ELF5: variants seen among roughly 807,000 people sequenced by gnomAD.
ELF5 encodes the protein E74 like ETS transcription factor 5.
ELF5 carries 31 observed loss-of-function variants against 38.2 expected under a neutral mutation model. That is an observed-to-expected ratio of 0.81 (90% CI 0.61 to 1.10). The LOEUF (loss-of-function observed/expected upper bound fraction) is 1.10, where lower values mean the gene tolerates loss of function less well. Among genes scored for constraint, ELF5 ranks in the 50% least tolerant of loss-of-function variants. The pLI, the probability that ELF5 is intolerant of heterozygous loss-of-function variation, is 0.00. For synonymous variants in ELF5, 121 were observed against 112.5 expected (o/e 1.08, Z -0.48); for missense variants, 300 against 306.6 (o/e 0.98, Z 0.16).
At chr11:34,495,245 G>A (rs538727781) in intron 2 of ELF5, among the ~76,000 whole-genome samples, 7 of 152,362 alleles carry the variant, frequency 4.6e-5, no homozygotes, top group African/African-American at 1.4e-4. Flanking sequence ...AAGGCAGAGA[G>A]CAGAGAGTGG....
intron 3 of ELF5, chr11:34,492,563 A>G (rs1292781145): frequency 6.6e-6 from 1 of 152,186 alleles, no homozygotes; most frequent in African/African-American, 2.4e-5. Context: ...ATCCTATAAT[A>G]TGCCTCTTGA....
chr11:34,495,184 G>T (rs1048712817), intron 2 of ELF5, among the ~76,000 whole-genome samples: 3 of 152,202 alleles, frequency 2.0e-5, no homozygotes, highest in African/African-American at 7.2e-5. Context: ...GTGAAGAGTG[G>T]CTGAGGCACG....
At chr11:34,511,867 G>T in intron 1 of ELF5, 1 of 436,656 alleles carries the variant, frequency 2.3e-6, no homozygotes, top group Non-Finnish European at 4.2e-6. Flanking sequence ...TTCACTCTGG[G>T]CATGTGACCA....
rs778935208 is a variant in ELF5 at position 34,493,749 on chromosome 11, C to T, written c.122-37G>A. Reference sequence around the variant, plus strand: ...GAGAAAGAAGTGAGGGACAACAGTCCCAAGACAGCCTTCGAGAGGGCCCCT... The same window carrying T: ...GAGAAAGAAGTGAGGGACAACAGTCTCAAGACAGCCTTCGAGAGGGCCCCT... On this transcript the variant is annotated intron_variant, in intron 2 of 6. Coordinates refer to ENST00000257832, the MANE Select transcript of ELF5 (RefSeq NM_001422.4). The T allele has an allele frequency of 3.1e-6, 5 of 1,589,010 alleles. No individual in the cohort carries two copies. The South Asian group carries it at 5.5e-5, about 18-fold the overall frequency.
Position 34,509,400 on chromosome 11 carries a change from A to G in ELF5, c.-4-3647T>C, listed in dbSNP as rs1480555855. Among the ~76,000 whole-genome samples, 7 of 152,202 alleles carry G rather than the reference A, an allele frequency of 4.6e-5. No individual in the cohort carries two copies. In the East Asian group the frequency reaches 1.3e-3, roughly 29 times the overall value. Reference sequence around the variant, plus strand: ...AGATGTAAATATATAACCGAGTTTGAATTCTGACACTTAGGCACCTTTTCT... The same window carrying G: ...AGATGTAAATATATAACCGAGTTTGGATTCTGACACTTAGGCACCTTTTCT... On this transcript the variant is annotated intron_variant, in intron 1 of 6. Transcript: ENST00000257832.
At chr11:34,480,443 C>T (rs1856910252) in intron 6 of ELF5, 129 bp from the exon 7 acceptor site, 2 of 738,932 alleles carry the variant, frequency 2.7e-6, no homozygotes, top group Non-Finnish European at 4.6e-6. Flanking sequence ...TATTTTCATG[C>T]CCTGTTATCA....
intron 1 of ELF5, among the ~76,000 whole-genome samples, chr11:34,508,704 T>C (rs2133904268): frequency 6.6e-6 from 1 of 152,264 alleles, no homozygotes; most frequent in Middle Eastern, 3.4e-3. Context: ...TTGATGTGAG[T>C]ACCACGTGTT....
At chr11:34,504,331 A>G (rs1850550388) in intron 2 of ELF5, among the ~76,000 whole-genome samples, 1 of 152,244 alleles carries the variant, frequency 6.6e-6, no homozygotes, top group Admixed American at 6.5e-5. Flanking sequence ...TGTAAGATGT[A>G]TCTGTTTGAT....
intron 2 of ELF5, among the ~76,000 whole-genome samples, chr11:34,503,957 G>T (rs1266332531): frequency 6.6e-6 from 1 of 152,170 alleles, no homozygotes; most frequent in East Asian, 1.9e-4. Context: ...TCCCATTTGG[G>T]ACACACCAGG....
At chr11:34,491,391 G>A (rs1355397015) in intron 3 of ELF5, among the ~76,000 whole-genome samples, 1 of 152,048 alleles carries the variant, frequency 6.6e-6, no homozygotes, top group Non-Finnish European at 1.5e-5. Flanking sequence ...TAGTTTTACT[G>A]CTCAATATGG....
chr11:34,492,625 C>T (rs1850205744), intron 3 of ELF5: 1 of 152,202 alleles, frequency 6.6e-6, no homozygotes, highest in African/African-American at 2.4e-5. Flanking sequence ...TTTCCATCTT[C>T]ATATGCTGTT....
chr11:34,496,715 G>A (rs1850330683), intron 2 of ELF5, among the ~76,000 whole-genome samples: 1 of 152,178 alleles, frequency 6.6e-6, no homozygotes, highest in South Asian at 2.1e-4. Context: ...CTTGGAGCCT[G>A]GCCTAGCCCA....
chr11:34,504,948 C>T (rs912125684), intron 2 of ELF5, among the ~76,000 whole-genome samples: 1 of 152,142 alleles, frequency 6.6e-6, no homozygotes, highest in Non-Finnish European at 1.5e-5. Flanking sequence ...CATATTTACA[C>T]CCTTTGGCTC....
At position 34,513,243 on chromosome 11, in the gene ELF5, GGGTGGGGGACAGTGGGCAGGCC is replaced by G. The variant is rs1258902938; in HGVS notation, c.-5+412_-5+433del. Among the ~76,000 whole-genome samples, 4 of 152,346 alleles carry G rather than the reference GGGTGGGGGACAGTGGGCAGGCC, an allele frequency of 2.6e-5. No individual in the cohort carries two copies. The East Asian group carries it at 7.7e-4, about 29-fold the overall frequency. On this transcript the variant is annotated intron_variant, in intron 1 of 6. Transcript: ENST00000257832. ...AATAAGGGAGTTCTCTGTATCGAGG[GGGTGGGGGACAGTGGGCAGGCC>G]GGTGGGGAAAGGAATTCAGTCAGGG... is the stretch of plus-strand genomic sequence containing the variant.
intron 2 of ELF5, among the ~76,000 whole-genome samples, chr11:34,497,866 G>A (rs1212589871): frequency 1.3e-5 from 2 of 152,224 alleles, no homozygotes; most frequent in African/African-American, 4.8e-5. Flanking sequence ...CAATCTGACA[G>A]GCTTTTGGCC....
At chr11:34,485,194 G>C (rs953487517) in intron 4 of ELF5, among the ~76,000 whole-genome samples, 7 of 152,310 alleles carry the variant, frequency 4.6e-5, no homozygotes, top group Admixed American at 2.0e-4. Flanking sequence ...GAGAGCTTAA[G>C]AATCTTTTCC....
chr11:34,501,928 C>T (rs565082895), intron 2 of ELF5, among the ~76,000 whole-genome samples: 1 of 152,134 alleles, frequency 6.6e-6, no homozygotes, highest in East Asian at 1.9e-4. Flanking sequence ...TCTCCTTTTC[C>T]TTCCCTTCCC....
At chr11:34,507,978 T>TA (rs1308899056) in intron 1 of ELF5, among the ~76,000 whole-genome samples, 2 of 152,138 alleles carry the variant, frequency 1.3e-5, no homozygotes, top group African/African-American at 4.8e-5. Context: ...TTAAAATACT[T>TA]AAAAAAATCA....
At chr11:34,487,389 A>G (rs974007419) in intron 4 of ELF5, among the ~76,000 whole-genome samples, 2 of 151,978 alleles carry the variant, frequency 1.3e-5, no homozygotes, top group Admixed American at 6.5e-5. Flanking sequence ...CCCTTGCCCC[A>G]CCACTTCTAT....
Sources: allele counts gnomAD v4.1 joint callset (sites outside exome capture counted in the v4.1 genomes callset), GRCh38; gene constraint gnomAD v4.1.1; transcripts MANE v1.5; gene names NCBI Gene and HGNC (gene_info 2026-07-23, HGNC 2026-07-21).